Variants in PRUNE2 observed in about 807,000 individuals in gnomAD.
The protein encoded by PRUNE2 is protein prune homolog 2.
Under a neutral mutation model 252.0 loss-of-function variants are expected in PRUNE2, and 164 were observed. That is an observed-to-expected ratio of 0.65 (90% CI 0.57 to 0.74). The LOEUF (loss-of-function observed/expected upper bound fraction) is 0.74. Among genes scored for constraint, PRUNE2 ranks in the 30% least tolerant of loss-of-function variants. PRUNE2 has a pLI of 0.00. For missense variants in PRUNE2, 3,495 were observed against 3,711.0 expected, an observed-to-expected ratio of 0.94 and a Z score of 1.51; for synonymous variants, 1,292 against 1,350.2, an observed-to-expected ratio of 0.96 and a Z score of 0.94.
At chr9:76,836,560 A>C (rs1352564059) in intron 4 of PRUNE2, among the ~76,000 whole-genome samples, 2 of 152,070 alleles carry the variant, frequency 1.3e-5, no homozygotes, top group African/African-American at 2.4e-5. Context: ...CCCTTCTTAC[A>C]CAAATAATTA....
intron 6 of PRUNE2, among the ~76,000 whole-genome samples, chr9:76,720,598 GT>G (rs60404731): frequency 6.6e-6 from 1 of 151,106 alleles, no homozygotes; most frequent in Non-Finnish European, 1.5e-5. Context: ...TTCCTTTCCT[GT>G]TTTTTTATTA....
chr9:76,841,841 A>C (rs1198845603), intron 4 of PRUNE2, among the ~76,000 whole-genome samples: 1 of 152,126 alleles, frequency 6.6e-6, no homozygotes, highest in African/African-American at 2.4e-5. Flanking sequence ...GGGACAGAGC[A>C]CTTGGGGGAA....
chr9:76,772,582 A>G (rs75233964), intron 6 of PRUNE2, among the ~76,000 whole-genome samples: 5 of 152,064 alleles, frequency 3.3e-5, no homozygotes, highest in African/African-American at 1.2e-4. Flanking sequence ...TCTTTTTTTT[A>G]GAGACAGGGT....
At chr9:76,649,464 T>C (rs917866291) in intron 11 of PRUNE2, among the ~76,000 whole-genome samples, 1 of 152,184 alleles carries the variant, frequency 6.6e-6, no homozygotes, top group East Asian at 1.9e-4. Flanking sequence ...CACATGCCTG[T>C]AGTCCCAGCT....
chr9:76,850,425 T>A (rs369215188), intron 3 of PRUNE2, 38 bp downstream of exon 3: 2 of 1,525,720 alleles, frequency 1.3e-6, no homozygotes, highest in Non-Finnish European at 1.8e-6. Context: ...GAACCTTCAT[T>A]GAGGGATTAA....
At chr9:76,853,159 C>T (rs2060061982) in intron 2 of PRUNE2, among the ~76,000 whole-genome samples, 2 of 152,138 alleles carry the variant, frequency 1.3e-5, no homozygotes, top group Admixed American at 1.3e-4. Flanking sequence ...ATATAAAGCC[C>T]ACATGTAGAG....
chr9:76,802,794 A>G (rs929592546), intron 6 of PRUNE2, among the ~76,000 whole-genome samples: 1 of 152,194 alleles, frequency 6.6e-6, no homozygotes, highest in Non-Finnish European at 1.5e-5. Context: ...AAGTTCTAAG[A>G]GTGTGTTCTT....
intron 1 of PRUNE2, chr9:76,862,742 A>G (rs1015232519): frequency 2.0e-5 from 3 of 152,236 alleles, no homozygotes; most frequent in Admixed American, 2.0e-4. Context: ...CCAGTTAATT[A>G]CTATATTAAA....
Position 76,705,973 on chromosome 9 carries a change from C to T in PRUNE2, c.6301G>A (p.Ala2101Thr). 1 of 1,614,008 alleles carries T rather than the reference C, an allele frequency of 6.2e-7. No homozygotes were observed. The highest frequency in any genetic ancestry group is 8.5e-7 in the Non-Finnish European group (1 of 1,179,884). The change falls in exon 8 of 19, where the codon GCT becomes ACT. Residue 2101 changes from alanine (A) to threonine (T), a missense_variant. Physicochemically the swap from Ala to Thr is moderately conservative, Grantham distance 58 (BLOSUM62 0). Coordinates refer to ENST00000376718, the MANE Select transcript of PRUNE2 (RefSeq NM_015225.3). ...TGACATATATCAGGGCTGTCGGAAG[C>T]CTGAGAATTGCTGTCATGTTCGCAG... is the stretch of plus-strand genomic sequence containing the variant. ...THCEHDSNSQ[A>T]SDSPDICHDS...
rs1434918618 is a variant in PRUNE2, at chr9:76,707,869, A to G, written c.4405T>C (p.Cys1469Arg). ...PEKDLEKTEE[C>R]NFLEPENVGG... ...ACGTTCTCTGGCTCTAGAAAGTTAC[A>G]TTCTTCAGTTTTCTCAAGATCCTTT... The change falls in exon 8 of 19, where the codon TGT becomes CGT. Residue 1469 changes from cysteine (C) to arginine (R), a missense_variant. By Grantham distance (180) the Cys-to-Arg change is radical. Transcript: ENST00000376718. 1.2e-6 allele frequency: 2 copies of G among 1,613,652 alleles called. No homozygotes were observed. Among genetic ancestry groups the G allele is most frequent in the African/African-American group, 1.3e-5 (1 of 74,888 alleles).
In PRUNE2 at chr9:76,614,139, T is replaced by C. The variant is rs1383895242; in HGVS notation, c.*431A>G. The C allele has an allele frequency of 6.2e-6, 1 of 160,930 alleles. No individual in the cohort carries two copies. Among genetic ancestry groups the C allele is most frequent in the African/African-American group, 2.4e-5 (1 of 41,556 alleles). 10.0% of individuals were successfully genotyped at this position (160,930 alleles called of 1,614,324 possible). A position where few individuals can be genotyped will look rare whatever the true frequency, so the allele number is the denominator to read the frequency against. ...AAAGGTGGAGTCAAACAGGGGAAAC[T>C]TTCCTGGGGAGAGTTGAGACCTGTG... On this transcript the variant is annotated 3_prime_UTR_variant, in exon 19 of 19. Coordinates refer to ENST00000376718, the MANE Select transcript of PRUNE2 (RefSeq NM_015225.3).
chr9:76,894,706 A>G (rs2062705671), intron 1 of PRUNE2, among the ~76,000 whole-genome samples: 1 of 143,344 alleles, frequency 7.0e-6, no homozygotes, highest in Non-Finnish European at 1.5e-5. Flanking sequence ...CCTTTCATTA[A>G]TTTTCTGCAG....
At chr9:76,895,024 C>CA (rs774011627) in intron 1 of PRUNE2, among the ~76,000 whole-genome samples, 32 of 147,538 alleles carry the variant, frequency 2.2e-4, no homozygotes, top group Middle Eastern at 3.4e-3. Flanking sequence ...GACTCCGTCT[C>CA]AAAAAATAAA....
intron 9 of PRUNE2, among the ~76,000 whole-genome samples, chr9:76,668,222 G>A (rs1365660878): frequency 3.3e-5 from 5 of 152,132 alleles, no homozygotes; most frequent in African/African-American, 1.2e-4. Context: ...CAAGATATAT[G>A]TAAAAAGATG....
At chr9:76,873,255 A>C (rs528194639) in intron 1 of PRUNE2, among the ~76,000 whole-genome samples, 1 of 152,258 alleles carries the variant, frequency 6.6e-6, no homozygotes, top group South Asian at 2.1e-4. Context: ...AAACTAGTAC[A>C]CTAAGTCATA....
At chr9:76,676,359 T>A (rs922844836) in intron 9 of PRUNE2, among the ~76,000 whole-genome samples, 4 of 47,012 alleles carry the variant, frequency 8.5e-5, no homozygotes, top group African/African-American at 1.7e-4. Context: ...CATTATGGTA[T>A]TTCAATGTAA....
At chr9:76,702,850 C>T (rs1314806580) in intron 9 of PRUNE2, among the ~76,000 whole-genome samples, 2 of 152,134 alleles carry the variant, frequency 1.3e-5, no homozygotes, top group African/African-American at 4.8e-5. Context: ...TGGCAAGCTT[C>T]GAATCCCAGG....
chr9:76,746,873 G>A (rs1047063025), intron 6 of PRUNE2, among the ~76,000 whole-genome samples: 7 of 152,184 alleles, frequency 4.6e-5, no homozygotes, highest in African/African-American at 1.7e-4. Context: ...TCTCTTCCAT[G>A]TGGCTGTTCA....
At position 76,614,557 on chromosome 9, in the gene PRUNE2, C is replaced by T; in HGVS notation, c.*13G>A. The stretch of plus-strand genomic sequence containing the variant: ...TGAACCAGAAAAGCATCCTCTTCTT[C>T]CAGCATGGCCAACTAAGGCTTTTCT... On this transcript the variant is annotated 3_prime_UTR_variant, in exon 19 of 19. Coordinates refer to ENST00000376718, the MANE Select transcript of PRUNE2 (RefSeq NM_015225.3). The T allele has an allele frequency of 6.2e-7, 1 of 1,608,634 alleles. No individual in the cohort carries two copies. The highest frequency in any genetic ancestry group is 1.7e-4 in the Middle Eastern group (1 of 6,048).
Sources: gnomAD v4.1 joint callset for allele counts (sites outside exome capture counted in the v4.1 genomes callset) on GRCh38, gnomAD v4.1.1 for gene constraint, MANE v1.5 for transcripts, NCBI Gene and HGNC (gene_info 2026-07-23, HGNC 2026-07-21) for gene names.